Variants in ADORA2B observed in about 807,000 individuals in gnomAD.
ADORA2B encodes adenosine A2b receptor.
Under a neutral mutation model 20.8 loss-of-function variants are expected in ADORA2B, and 18 were observed. The observed-to-expected ratio is 0.87, with a 90% confidence interval of 0.60 to 1.29. The LOEUF is 1.29. ADORA2B is among the 50% of genes most tolerant of loss of function. The probability of loss-of-function intolerance (pLI) is 0.00; values close to 1 mark genes in which losing one functional copy is unlikely to be tolerated. For synonymous variants in ADORA2B, 179 were observed against 178.3 expected (o/e 1.00, Z -0.03); for missense variants, 441 against 422.7 (o/e 1.04, Z -0.38).
At chr17:15,917,742 C>G in the ADORA2B span, among the ~76,000 whole-genome samples, 2 of 152,240 alleles carry the variant, frequency 1.3e-5, no homozygotes, top group Non-Finnish European at 2.9e-5. Flanking sequence ...CCATGCTGGT[C>G]GCATCAGGGG....
chr17:15,905,544 T>C, the ADORA2B span, among the ~76,000 whole-genome samples: 7 of 146,358 alleles, frequency 4.8e-5, no homozygotes, highest in Non-Finnish European at 1.1e-4. Flanking sequence ...CAAACCCAGC[T>C]TTTTTTTTTG....
chr17:15,914,029 C>T, the ADORA2B span, among the ~76,000 whole-genome samples: 1 of 152,312 alleles, frequency 6.6e-6, no homozygotes, highest in African/African-American at 2.4e-5. Flanking sequence ...TCACTGTGCT[C>T]TTCTGATAGC....
At chr17:15,962,300 CTCAAAACAAA>C (rs1970050726) in intron 1 of ADORA2B, among the ~76,000 whole-genome samples, 1 of 152,142 alleles carries the variant, frequency 6.6e-6, no homozygotes, top group African/African-American at 2.4e-5. Context: ...AAGACTGCGT[CTCAAAACAAA>C]ACAAGACACA....
chr17:15,911,893 A>G, the ADORA2B span, among the ~76,000 whole-genome samples: 32 of 152,278 alleles, frequency 2.1e-4, no homozygotes, highest in African/African-American at 7.2e-4. Context: ...GCAAGACCCT[A>G]TCTCTGCAAG....
chr17:15,911,829 C>T, the ADORA2B span, among the ~76,000 whole-genome samples: 6 of 151,996 alleles, frequency 3.9e-5, no homozygotes, highest in East Asian at 1.9e-4. Context: ...TTTGGGAGGC[C>T]GAGGCAGGAG....
At chr17:15,904,609 G>A in the ADORA2B span, among the ~76,000 whole-genome samples, 5 of 150,696 alleles carry the variant, frequency 3.3e-5, no homozygotes, top group South Asian at 4.2e-4. Flanking sequence ...ATCTTCTGAC[G>A]TCATGATCTG....
At chr17:15,883,362 G>T in the ADORA2B span, among the ~76,000 whole-genome samples, 1 of 152,190 alleles carries the variant, frequency 6.6e-6, no homozygotes, top group Non-Finnish European at 1.5e-5. Context: ...CTAAAACTGT[G>T]TATTAACTTA....
At chr17:15,944,910 G>T (rs1425925384), upstream of ADORA2B, 1 of 181,354 alleles carries the variant, frequency 5.5e-6, no homozygotes. The surrounding 1 kb of genome is among the most constrained non-coding windows in gnomAD (Gnocchi z 4.8). Context: ...AGCGTGACGG[G>T]AAGTTGGGGC....
the ADORA2B span, among the ~76,000 whole-genome samples, chr17:15,885,319 G>A: frequency 6.6e-6 from 1 of 152,144 alleles, no homozygotes; most frequent in African/African-American, 2.4e-5. Flanking sequence ...GCCACGTGTG[G>A]CTGCTGGCTG....
chr17:15,897,836 C>T, the ADORA2B span, among the ~76,000 whole-genome samples: 4 of 152,246 alleles, frequency 2.6e-5, no homozygotes, highest in East Asian at 1.9e-4. Flanking sequence ...TTCACTATTT[C>T]GCTATTGTAG....
chr17:15,946,790 C>A (rs150255463), intron 1 of ADORA2B, among the ~76,000 whole-genome samples: 2 of 152,222 alleles, frequency 1.3e-5, no homozygotes, highest in African/African-American at 4.8e-5. Flanking sequence ...CAGCTGGCAC[C>A]GTGTCCCCAC....
chr17:15,875,418 CTT>C, the ADORA2B span, among the ~76,000 whole-genome samples: 1 of 152,210 alleles, frequency 6.6e-6, no homozygotes, highest in Admixed American at 6.5e-5. Flanking sequence ...TGCTTCCTGT[CTT>C]TGCGTTCTCT....
the ADORA2B span, among the ~76,000 whole-genome samples, chr17:15,897,284 C>A: frequency 1.3e-5 from 2 of 152,132 alleles, no homozygotes; most frequent in African/African-American, 4.8e-5. Flanking sequence ...TTAAAAATTT[C>A]TAGCCAGGCG....
chr17:15,876,449 CTTT>C, the ADORA2B span, among the ~76,000 whole-genome samples: 252 of 119,302 alleles, frequency 2.1e-3, 2 homozygotes, highest in African/African-American at 7.3e-3. Context: ...TTTCTTTTTT[CTTT>C]TTTTTTTTTT....
rs192232631 is a variant in ADORA2B, at chr17:15,967,852, A to T, written c.336-6827A>T. On this transcript the variant is annotated intron_variant, in intron 1 of 1. Coordinates refer to ENST00000304222, the MANE Select transcript of ADORA2B (RefSeq NM_000676.4). ...CTTTTTTGGATTCTCCATTGAATAG[A>T]CATGACTCAAGCATGGACAACTGGG... Among the ~76,000 whole-genome samples the T allele has an allele frequency of 2.0e-5, 3 of 152,104 alleles. No individual in the cohort carries two copies. The East Asian group carries it at 5.8e-4, about 29-fold the overall frequency.
chr17:15,961,270 T>C (rs962031298), intron 1 of ADORA2B, among the ~76,000 whole-genome samples: 2 of 148,148 alleles, frequency 1.3e-5, no homozygotes, highest in African/African-American at 5.3e-5. Context: ...AGTGAGACCT[T>C]TTCTTGGGGA....
At chr17:15,911,129 T>G in the ADORA2B span, among the ~76,000 whole-genome samples, 1 of 152,226 alleles carries the variant, frequency 6.6e-6, no homozygotes, top group East Asian at 1.9e-4. Flanking sequence ...TGGGAGCTCC[T>G]GAGCAACTGC....
intron 1 of ADORA2B, among the ~76,000 whole-genome samples, chr17:15,958,564 G>C (rs1213963895): frequency 6.6e-6 from 1 of 152,002 alleles, no homozygotes; most frequent in Non-Finnish European, 1.5e-5. Context: ...TCCCCACCTG[G>C]TCTGGGGCCT....
At chr17:15,872,830 A>T in the ADORA2B span, among the ~76,000 whole-genome samples, 1 of 152,232 alleles carries the variant, frequency 6.6e-6, no homozygotes, top group Non-Finnish European at 1.5e-5. Context: ...TTCTAGGTAT[A>T]TGATCATATC....
Sources: allele counts gnomAD v4.1 joint callset (sites outside exome capture counted in the v4.1 genomes callset), GRCh38; gene constraint gnomAD v4.1.1; non-coding constraint Gnocchi (gnomAD v3.1); transcripts MANE v1.5; gene names NCBI Gene and HGNC (gene_info 2026-07-23, HGNC 2026-07-21).